STK32B: variants seen among roughly 807,000 people sequenced by gnomAD.
STK32B encodes serine/threonine kinase 32B, also known as serine/threonine-protein kinase 32B.
A neutral mutation model predicts 52.6 loss-of-function variants in STK32B; 43 were observed. The observed-to-expected ratio is 0.82, with a 90% CI of 0.64 to 1.05. The LOEUF is 1.05. STK32B is among the 50% of genes least tolerant of loss of function. The probability of loss-of-function intolerance (pLI) is 0.00; values close to 1 mark genes in which losing one functional copy is unlikely to be tolerated. For synonymous variants in STK32B, 238 were observed against 204.3 expected, an observed-to-expected ratio of 1.17 and a Z score of -1.41; for missense variants, 621 against 534.6, an observed-to-expected ratio of 1.16 and a Z score of -1.59.
chr4:5,171,232 G>A (rs60362183), intron 3 of STK32B, among the ~76,000 whole-genome samples: 7,231 of 151,726 alleles, frequency 0.048, 173 homozygotes, highest in Admixed American at 0.055. Context: ...AGTAGGTTGC[G>A]AAAATTTTCT....
chr4:5,331,159 G>T, intron 3 of STK32B, 61 bp from the exon 4 acceptor site: 1 of 1,486,266 alleles, frequency 6.7e-7, no homozygotes, highest in African/African-American at 1.4e-5. Flanking sequence ...TGGAGGCATT[G>T]GTCTTGAGGG....
intron 1 of STK32B, among the ~76,000 whole-genome samples, chr4:5,124,208 A>G (rs144089745): frequency 6.6e-6 from 1 of 152,292 alleles, no homozygotes; most frequent in East Asian, 1.9e-4. Flanking sequence ...GCTCTCTCAC[A>G]GAGAAAAAGT....
chr4:5,156,744 C>A (rs557487046), intron 2 of STK32B, among the ~76,000 whole-genome samples: 1 of 152,256 alleles, frequency 6.6e-6, no homozygotes, highest in Admixed American at 6.5e-5. Context: ...TAGCTGGAGG[C>A]AGTCTGCACA....
chr4:5,462,387 T>G (rs1054973610), intron 9 of STK32B, among the ~76,000 whole-genome samples: 1 of 148,366 alleles, frequency 6.7e-6, no homozygotes, highest in African/African-American at 2.4e-5. Flanking sequence ...CCTGTGCATC[T>G]GTGTGTGTGT....
At chr4:5,434,964 G>T (rs2031894715) in intron 6 of STK32B, among the ~76,000 whole-genome samples, 2 of 152,038 alleles carry the variant, frequency 1.3e-5, no homozygotes, top group South Asian at 4.2e-4. Context: ...TTCTGGTCTG[G>T]GCTCCTTCAC....
intron 3 of STK32B, among the ~76,000 whole-genome samples, chr4:5,297,129 T>C (rs1289877077): frequency 6.6e-6 from 1 of 152,106 alleles, no homozygotes; most frequent in Non-Finnish European, 1.5e-5. Context: ...TCTTGTAGGG[T>C]TTCCGCAGAG....
At chr4:5,393,700 A>C (rs1560377500) in intron 4 of STK32B, among the ~76,000 whole-genome samples, 1 of 152,040 alleles carries the variant, frequency 6.6e-6, no homozygotes, top group East Asian at 1.9e-4. Flanking sequence ...TTCAGGAGAA[A>C]CCACCCCCAT....
At chr4:5,189,164 C>A (rs1256577318) in intron 3 of STK32B, among the ~76,000 whole-genome samples, 1 of 152,160 alleles carries the variant, frequency 6.6e-6, no homozygotes, top group African/African-American at 2.4e-5. Flanking sequence ...ACATCACTAT[C>A]ACCCAGGATC....
At chr4:5,128,261 C>T (rs1281438778) in intron 1 of STK32B, among the ~76,000 whole-genome samples, 1 of 152,160 alleles carries the variant, frequency 6.6e-6, no homozygotes, top group Non-Finnish European at 1.5e-5. Flanking sequence ...TTGGTGGTAG[C>T]TTGTTACAAC....
Position 5,387,548 on chromosome 4 carries a change from C to T in STK32B, c.435-10659C>T, listed in dbSNP as rs78295087. On this transcript the variant is annotated intron_variant, in intron 4 of 11. Coordinates refer to ENST00000282908, the MANE Select transcript of STK32B (RefSeq NM_018401.3). ...GAGGTGACGGGTGCAGAGGAGTTGA[C>T]CAGGCAGAGATTGGGGCCTGGAGGA... Among the ~76,000 whole-genome samples, 1,046 of 152,182 alleles carry T rather than the reference C, an allele frequency of 6.9e-3. 50 individuals are homozygous for T. The East Asian group carries it at 0.13, about 19-fold the overall frequency.
At chr4:5,404,528 C>G (rs963589164) in intron 5 of STK32B, among the ~76,000 whole-genome samples, 7 of 152,130 alleles carry the variant, frequency 4.6e-5, no homozygotes, top group African/African-American at 1.7e-4. Flanking sequence ...ATATCGACCA[C>G]TACTGAAAAT....
In STK32B at chr4:5,470,941, G is replaced by T. The variant is rs1717806759; in HGVS notation, c.1106+2871G>T. Among the ~76,000 whole-genome samples, 5 of 152,210 alleles carry T rather than the reference G, an allele frequency of 3.3e-5. No homozygotes were observed. On this transcript the variant is annotated intron_variant, in intron 11 of 11. Coordinates refer to ENST00000282908, the MANE Select transcript of STK32B (RefSeq NM_018401.3). This position sits in a 1 kb window ranked among gnomAD's most constrained non-coding sequence, Gnocchi z 4.6. Reference sequence around the variant, plus strand: ...GGGAGCCAAGCATCAAGCCAGGCTTGTCGTCATGCTCCGCCTGGACCACGT... The same window carrying T: ...GGGAGCCAAGCATCAAGCCAGGCTTTTCGTCATGCTCCGCCTGGACCACGT...
chr4:5,054,440 AG>A (rs1489351318), intron 1 of STK32B, among the ~76,000 whole-genome samples: 1 of 147,540 alleles, frequency 6.8e-6, no homozygotes, highest in Non-Finnish European at 1.5e-5. Flanking sequence ...GGGTGATAGA[AG>A]GGGGAAGGAC....
At chr4:5,411,443 A>G (rs757871531) in intron 5 of STK32B, among the ~76,000 whole-genome samples, 11 of 152,360 alleles carry the variant, frequency 7.2e-5, no homozygotes, top group Middle Eastern at 3.4e-3. Context: ...AAAAGTAACA[A>G]TGAAACAATA....
rs151062070 is a variant in STK32B, at chr4:5,205,163, G to T, written c.260+36713G>T. Among the ~76,000 whole-genome samples the T allele has an allele frequency of 3.9e-3, 600 of 152,138 alleles. 4 individuals are homozygous for T. The highest frequency in any genetic ancestry group is 0.014 in the African/African-American group (568 of 41,496). ...CAGAGCTCCAGGTCCTCAGACCTTG[G>T]GACTGGGACTTATATCATTGCCTCT... On this transcript the variant is annotated intron_variant, in intron 3 of 11. Transcript: ENST00000282908.
chr4:5,493,552 A>T (rs1233765373), intron 11 of STK32B, among the ~76,000 whole-genome samples: 1 of 151,938 alleles, frequency 6.6e-6, no homozygotes, highest in African/African-American at 2.4e-5. Context: ...TTAATTTTTG[A>T]AGGGTTTTTT....
rs146950173 is a variant in STK32B, at chr4:5,078,265, C to T, written c.52+26350C>T. Among the ~76,000 whole-genome samples the T allele has an allele frequency of 5.9e-5, 9 of 152,234 alleles. No individual in the cohort carries two copies. In the East Asian group the frequency reaches 1.7e-3, roughly 29 times the overall value. On this transcript the variant is annotated intron_variant, in intron 1 of 11. Coordinates refer to ENST00000282908, the MANE Select transcript of STK32B (RefSeq NM_018401.3). ...CAATCACTGGCCAAAATGTGCTGGA[C>T]TTCCATATATGTCCTAGATCAACAA...
At chr4:5,199,371 C>A (rs1721943853) in intron 3 of STK32B, among the ~76,000 whole-genome samples, 1 of 152,134 alleles carries the variant, frequency 6.6e-6, no homozygotes, top group Non-Finnish European at 1.5e-5. Flanking sequence ...TTGTCATTAG[C>A]ATATCTTTGT....
At chr4:5,053,422 C>T (rs1741865189) in intron 1 of STK32B, among the ~76,000 whole-genome samples, 1 of 152,164 alleles carries the variant, frequency 6.6e-6, no homozygotes, top group East Asian at 1.9e-4. Context: ...GCAGCATCAC[C>T]CTCAATTGCA....
Sources: gnomAD v4.1 joint callset for allele counts (sites outside exome capture counted in the v4.1 genomes callset) on GRCh38, gnomAD v4.1.1 for gene constraint, Gnocchi (gnomAD v3.1) non-coding constraint, MANE v1.5 for transcripts, NCBI Gene and HGNC (gene_info 2026-07-23, HGNC 2026-07-21) for gene names.